Variants in DLD observed in about 807,000 individuals in gnomAD.
DLD encodes dihydrolipoyl dehydrogenase, mitochondrial.
In DLD, 36 loss-of-function variants were observed where a neutral mutation model predicts 62.2. The ratio of observed to expected loss-of-function variants is 0.58; its 90% CI spans 0.44 to 0.76. The LOEUF is 0.76. Among genes scored for constraint, DLD ranks in the 30% least tolerant of loss-of-function variants. DLD has a pLI of 0.00. For missense variants in DLD, 541 were observed against 608.6 expected (o/e 0.89, Z 1.17); for synonymous variants, 204 against 199.6 (o/e 1.02, Z -0.19).
chr7:107,901,739 T>G lies in DLD; in HGVS notation c.120T>G (p.Ile40Met). The G allele has an allele frequency of 1.2e-6, 2 of 1,613,266 alleles. No homozygotes were observed. The highest frequency in any genetic ancestry group is 2.2e-5 in the South Asian group (2 of 91,068). The change falls in exon 3 of 14, where the codon ATT (isoleucine) becomes ATG (methionine). Residue 40 changes from isoleucine to methionine, a missense_variant and splice_region_variant. By Grantham distance (10) the Ile-to-Met change is conservative (BLOSUM62 1). Transcript: ENST00000205402. Reference protein sequence around the residue: ...VPLRTYADQPIDADVTVIGSG... With the variant: ...VPLRTYADQPMDADVTVIGSG... ...TATATCAATTTGCTTTTATCGTAGTTGATGCTGATGTAACAGTTATAGGTT... is the reference window on the plus strand; with the variant it reads ...TATATCAATTTGCTTTTATCGTAGTGGATGCTGATGTAACAGTTATAGGTT...
At chr7:107,915,848 A>G in intron 9 of DLD, 152 bp downstream of exon 9, 1 of 651,396 alleles carries the variant, frequency 1.5e-6, no homozygotes, top group Non-Finnish European at 2.6e-6. Flanking sequence ...AAATTATTGC[A>G]TTAGCACATT....
At position 107,919,052 on chromosome 7, in the gene DLD, T is replaced by G. The variant is rs746694609; in HGVS notation, c.1417T>G (p.Tyr473Asp). 3.7e-6 allele frequency: 6 copies of G among 1,613,980 alleles called. No homozygotes were observed. Among genetic ancestry groups the G allele is most frequent in the Non-Finnish European group, 5.1e-6 (6 of 1,179,868 alleles). The change falls in exon 13 of 14, where the codon TAT becomes GAT. Residue 473 changes from tyrosine (Y) to aspartate (D), a missense_variant. Physicochemically the swap from Tyr to Asp is radical, Grantham distance 160. Coordinates refer to ENST00000205402, the MANE Select transcript of DLD (RefSeq NM_000108.5). ...AAATGAAGCTGCTCTTGCTTTGGAATATGGAGCATCCTGTGAAGATATAGC... is the reference window on the plus strand; with the variant it reads ...AAATGAAGCTGCTCTTGCTTTGGAAGATGGAGCATCCTGTGAAGATATAGC... The part of the protein sequence containing the change: ...MVNEAALALE[Y>D]GASCEDIARV...
At chr7:107,918,179 A>G in intron 12 of DLD, 118 bp downstream of exon 12, 9 of 1,109,404 alleles carry the variant, frequency 8.1e-6, no homozygotes, top group Non-Finnish European at 1.1e-5. Flanking sequence ...AACTTTGAAT[A>G]TGGCTCTCTG....
At chr7:107,895,723 T>C (rs1287827236) in intron 2 of DLD, among the ~76,000 whole-genome samples, 1 of 152,180 alleles carries the variant, frequency 6.6e-6, no homozygotes, top group Non-Finnish European at 1.5e-5. Flanking sequence ...ATGACATCTA[T>C]ATATGGATTG....
Position 107,893,812 on chromosome 7 carries a change from G to A in DLD, c.118+534G>A, listed in dbSNP as rs906247043. ...GTAGGCAGGAGACAGATCATGGAGT[G>A]CCTTGTAAGGCAGGTCTAGTAGTTT... On this transcript the variant is annotated intron_variant, in intron 2 of 13. Transcript: ENST00000205402. 2.6e-5 allele frequency among the ~76,000 whole-genome samples: 4 copies of A among 152,216 alleles called. No homozygotes were observed. In the South Asian group the frequency reaches 8.3e-4, roughly 31 times the overall value.
chr7:107,900,647 C>CA (rs1334029796), intron 2 of DLD, among the ~76,000 whole-genome samples: 1 of 152,110 alleles, frequency 6.6e-6, no homozygotes, highest in Non-Finnish European at 1.5e-5. Context: ...GAAGTAGAGT[C>CA]AAAAAGCTTA....
chr7:107,912,594 T>C (rs772802293), intron 8 of DLD, among the ~76,000 whole-genome samples: 4 of 152,184 alleles, frequency 2.6e-5, no homozygotes, highest in Non-Finnish European at 5.9e-5. Context: ...GTTGAACATT[T>C]TTTCATACAT....
At chr7:107,904,844 T>C in intron 5 of DLD, 114 bp from the exon 6 acceptor site, 1 of 748,976 alleles carries the variant, frequency 1.3e-6, no homozygotes, top group African/African-American at 1.7e-5. Context: ...TTTGAAACTT[T>C]AATACTGCCT....
intron 4 of DLD, among the ~76,000 whole-genome samples, 159 bp from the exon 5 acceptor site, chr7:107,903,319 G>A (rs535258639): frequency 4.6e-5 from 7 of 152,224 alleles, no homozygotes; most frequent in East Asian, 1.9e-4. Flanking sequence ...CGGAGGTTGC[G>A]GTGAGCTGAG....
intron 2 of DLD, among the ~76,000 whole-genome samples, chr7:107,896,069 A>G (rs145822115): frequency 4.6e-5 from 7 of 152,346 alleles, no homozygotes; most frequent in Non-Finnish European, 8.8e-5. Context: ...ACTGCATGGT[A>G]TTGGTGAGTA....
intron 1 of DLD, among the ~76,000 whole-genome samples, chr7:107,892,748 A>G (rs949337409): frequency 6.6e-6 from 1 of 152,060 alleles, no homozygotes; most frequent in African/African-American, 2.4e-5. Flanking sequence ...GGGCTTCACT[A>G]TGTTGGCCAG....
At position 107,915,502 on chromosome 7, in the gene DLD, G is replaced by T. The variant is rs1584471861; in HGVS notation, c.685-4G>T. On this transcript the variant is annotated splice_polypyrimidine_tract_variant and splice_region_variant and intron_variant, in intron 8 of 13. Coordinates refer to ENST00000205402, the MANE Select transcript of DLD (RefSeq NM_000108.5). ...ATTATTGGGTTTTTTTAATTTATTT[G>T]CAGGGTTCAGTTTGGCAAAGACTTG... is the stretch of plus-strand genomic sequence containing the variant. The T allele has an allele frequency of 3.7e-6, 6 of 1,613,548 alleles. No homozygotes were observed. The highest frequency in any genetic ancestry group is 1.3e-5 in the African/African-American group (1 of 75,002).
intron 2 of DLD, among the ~76,000 whole-genome samples, chr7:107,894,887 C>A (rs1308539257): frequency 1.3e-5 from 2 of 152,204 alleles, no homozygotes; most frequent in African/African-American, 4.8e-5. Context: ...GAGGTACATG[C>A]TTACTGTCTT....
intron 3 of DLD, 44 bp downstream of exon 3, chr7:107,901,861 G>A: frequency 6.6e-7 from 1 of 1,510,628 alleles, no homozygotes; most frequent in African/African-American, 1.4e-5. Context: ...TTTTAATTTG[G>A]GAAGGGTTGA....
At chr7:107,905,734 T>A in intron 7 of DLD, 2 of 538,810 alleles carry the variant, frequency 3.7e-6, no homozygotes, top group Non-Finnish European at 6.6e-6. Flanking sequence ...AAATTGACCA[T>A]TGCGTTTGGA....
chr7:107,893,125 C>T, intron 1 of DLD, 75 bp from the exon 2 acceptor site: 16 of 1,258,744 alleles, frequency 1.3e-5, no homozygotes, highest in South Asian at 1.1e-4. Flanking sequence ...CAAAATTGTT[C>T]TGTTATCATC....
At chr7:107,909,462 T>C (rs1341443304) in intron 8 of DLD, among the ~76,000 whole-genome samples, 1 of 152,246 alleles carries the variant, frequency 6.6e-6, no homozygotes, top group Non-Finnish European at 1.5e-5. Flanking sequence ...TCACCAGTTA[T>C]AAACACCTTT....
intron 2 of DLD, among the ~76,000 whole-genome samples, chr7:107,894,490 T>A (rs916587081): frequency 2.6e-5 from 4 of 152,192 alleles, no homozygotes; most frequent in Non-Finnish European, 5.9e-5. Flanking sequence ...GGTCAAGAAA[T>A]CCTTTTAAAA....
At chr7:107,906,195 C>T (rs1282362109) in intron 7 of DLD, 72 bp from the exon 8 acceptor site, 26 of 916,474 alleles carry the variant, frequency 2.8e-5, no homozygotes, top group Non-Finnish European at 4.3e-5. Context: ...ATTTGGAACC[C>T]ATGGATATGG....
Sources: allele counts gnomAD v4.1 joint callset (sites outside exome capture counted in the v4.1 genomes callset), GRCh38; gene constraint gnomAD v4.1.1; transcripts MANE v1.5; gene names NCBI Gene and HGNC (gene_info 2026-07-23, HGNC 2026-07-21).